Variants in ZNF618 observed in about 807,000 individuals in gnomAD.
ZNF618 encodes zinc finger protein 618, also known as neural precursor cell expressed, developmentally down-regulated 10.
ZNF618 carries 34 observed loss-of-function variants against 103.0 expected under a neutral mutation model. The ratio of observed to expected loss-of-function variants is 0.33; its 90% CI spans 0.25 to 0.44. The LOEUF is 0.44. ZNF618 is among the 20% of genes least tolerant of loss of function. ZNF618 has a pLI of 1.00. For synonymous variants in ZNF618, 551 were observed against 542.2 expected (o/e 1.02, Z -0.23); for missense variants, 1,059 against 1,295.4 (o/e 0.82, Z 2.80).
In ZNF618 at chr9:114,049,220, T is replaced by C; in HGVS notation, c.1918T>C (p.Leu640=). ...GTGCCTTCGCTGCTCAGCCTGTGCC[T>C]TGAACTCGGTGGTGCAGAGCGTGCT... ...GMCLRCSACA[L]NSVVQSVLSK... The change falls in exon 15 of 15, where the codon TTG becomes CTG. Residue 640 remains leucine, a synonymous_variant. Transcript: ENST00000374126. 1 of 1,613,470 alleles carries C rather than the reference T, an allele frequency of 6.2e-7. No homozygotes were observed. Among genetic ancestry groups the C allele is most frequent in the South Asian group, 1.1e-5 (1 of 91,076 alleles).
chr9:114,029,726 C>G (rs887015547), intron 11 of ZNF618, among the ~76,000 whole-genome samples: 19 of 152,234 alleles, frequency 1.2e-4, no homozygotes, highest in African/African-American at 4.6e-4. Flanking sequence ...TGCCCTCCCC[C>G]TCTGTAGCAC....
intron 1 of ZNF618, among the ~76,000 whole-genome samples, chr9:113,920,652 T>C (rs561716585): frequency 1.3e-5 from 2 of 152,328 alleles, no homozygotes; most frequent in South Asian, 2.1e-4. Flanking sequence ...TCTGCCTGCC[T>C]TGGCCTCCCA....
At chr9:114,045,160 C>T (rs1226399793) in intron 13 of ZNF618, among the ~76,000 whole-genome samples, 1 of 151,898 alleles carries the variant, frequency 6.6e-6, no homozygotes, top group Non-Finnish European at 1.5e-5. Context: ...TGTCGGTTGT[C>T]TTTTTACTTT....
Position 113,988,500 on chromosome 9 carries a change from C to T in ZNF618, c.257C>T (p.Ala86Val), listed in dbSNP as rs200878518. 530 of 1,613,062 alleles carry T rather than the reference C, an allele frequency of 3.3e-4. No individual in the cohort carries two copies. Among genetic ancestry groups the T allele is most frequent in the Non-Finnish European group, 3.5e-4 (408 of 1,179,842 alleles). Residue 86 changes from alanine to valine, a missense_variant, in exon 3 of 15, where the codon GCG (alanine) becomes GTG (valine). Ala to Val is a moderately conservative substitution (Grantham distance 64). Around this residue, in one of 6 missense-constraint regions of ZNF618, gnomAD observed 194 missense variants for 209.0 expected, o/e 0.93. Coordinates refer to ENST00000374126, the MANE Select transcript of ZNF618 (RefSeq NM_001318042.2). ...GGCGAGGCCAAGGAGGAGAAGAAGG[C>T]GGTCAGCAAGGATGGGACCAGCGAC... ...WQGEAKEEKK[A>V]VSKDGTSDVP...
chr9:113,896,647 TC>T (rs1217723585), intron 1 of ZNF618, among the ~76,000 whole-genome samples: 2 of 152,014 alleles, frequency 1.3e-5, no homozygotes, highest in African/African-American at 4.8e-5. Flanking sequence ...TTTTTCAGAT[TC>T]CCCATAGGGC....
chr9:113,999,717 C>T (rs541744811), intron 4 of ZNF618, among the ~76,000 whole-genome samples: 4 of 152,362 alleles, frequency 2.6e-5, no homozygotes, highest in African/African-American at 4.8e-5. Context: ...CTCTGTGCCC[C>T]CAGGCCCTGC....
At chr9:113,888,755 T>C (rs936191743) in intron 1 of ZNF618, among the ~76,000 whole-genome samples, 16 of 152,312 alleles carry the variant, frequency 1.1e-4, no homozygotes, top group African/African-American at 3.8e-4. Flanking sequence ...ACCTCAGTTT[T>C]CCCTACTGTA....
chr9:113,876,799 C>A (rs1827989176), intron 1 of ZNF618, among the ~76,000 whole-genome samples: 1 of 148,114 alleles, frequency 6.8e-6, no homozygotes, highest in Admixed American at 6.7e-5. Context: ...TTCCCCTGAC[C>A]CTCTCTGCGC....
chr9:114,017,410 A>G (rs1462562969), intron 10 of ZNF618, among the ~76,000 whole-genome samples: 2 of 152,156 alleles, frequency 1.3e-5, no homozygotes, highest in South Asian at 2.1e-4. Context: ...CCCTTCCCAC[A>G]GTGACATCCT....
intron 2 of ZNF618, among the ~76,000 whole-genome samples, chr9:113,977,234 C>T (rs537033885): frequency 2.0e-5 from 3 of 152,044 alleles, no homozygotes; most frequent in Non-Finnish European, 2.9e-5. Context: ...CATCAGCTGG[C>T]GACGTGGGCA....
intron 1 of ZNF618, among the ~76,000 whole-genome samples, chr9:113,930,837 A>G (rs1054855467): frequency 3.3e-5 from 5 of 152,174 alleles, no homozygotes; most frequent in African/African-American, 9.7e-5. Flanking sequence ...CAGGACTGTG[A>G]TGATCCAACA....
intron 1 of ZNF618, among the ~76,000 whole-genome samples, chr9:113,877,241 A>G (rs1828038988): frequency 6.6e-6 from 1 of 152,164 alleles, no homozygotes; most frequent in African/African-American, 2.4e-5. Flanking sequence ...TCCTAAAAGC[A>G]AAGTCAGTTT....
intron 2 of ZNF618, among the ~76,000 whole-genome samples, chr9:113,971,421 C>T (rs1050856623): frequency 2.6e-5 from 4 of 152,260 alleles, no homozygotes; most frequent in African/African-American, 9.6e-5. Context: ...CCACTTTCCT[C>T]CCACTTTCAC....
chr9:114,002,590 C>A, intron 5 of ZNF618, 34 bp from the exon 6 acceptor site: 1 of 1,596,866 alleles, frequency 6.3e-7, no homozygotes. Context: ...GGCCCGGTAG[C>A]CCCACCCCCA....
chr9:113,998,828 G>T (rs1249614733), intron 4 of ZNF618, among the ~76,000 whole-genome samples: 4 of 152,224 alleles, frequency 2.6e-5, no homozygotes, highest in Non-Finnish European at 5.9e-5. Context: ...TTTTGCTGGG[G>T]TGCATTCAGG....
At chr9:113,922,516 CA>C (rs1832741322) in intron 1 of ZNF618, among the ~76,000 whole-genome samples, 2 of 149,446 alleles carry the variant, frequency 1.3e-5, no homozygotes, top group East Asian at 3.9e-4. Flanking sequence ...TGCCCAGTTC[CA>C]GCAACATTTG....
chr9:113,943,234 A>G (rs1232774173), intron 1 of ZNF618, among the ~76,000 whole-genome samples: 1 of 152,198 alleles, frequency 6.6e-6, no homozygotes, highest in Admixed American at 6.5e-5. Context: ...GGAATGGATC[A>G]TTGTGATAGC....
chr9:114,049,966 T>C lies in ZNF618; in HGVS notation c.2664T>C (p.Asp888=). The C allele has an allele frequency of 6.2e-7, 1 of 1,613,960 alleles. No individual in the cohort carries two copies. Among genetic ancestry groups the C allele is most frequent in the Non-Finnish European group, 8.5e-7 (1 of 1,179,898 alleles). The change falls in exon 15 of 15, where the codon GAT becomes GAC. Residue 888 remains aspartate (D), a synonymous_variant. Coordinates refer to ENST00000374126, the MANE Select transcript of ZNF618 (RefSeq NM_001318042.2). ...AGCCCCTCTTCCAGGCTACCCCTGA[T>C]CTCTTCCAGTACTGGTCGTGCGTTA... is the stretch of plus-strand genomic sequence containing the variant. The part of the protein sequence containing the change: ...LQEPLFQATP[D]LFQYWSCVTQ...
intron 13 of ZNF618, among the ~76,000 whole-genome samples, chr9:114,038,644 G>A (rs10118282): frequency 0.085 from 13,016 of 152,298 alleles, 645 homozygotes; most frequent in African/African-American, 0.12. Context: ...AGGAAAACCT[G>A]GCGTGCCTTG....
Sources: allele counts gnomAD v4.1 joint callset (sites outside exome capture counted in the v4.1 genomes callset), GRCh38; gene constraint gnomAD v4.1.1; regional missense constraint gnomAD v4.1.1; transcripts MANE v1.5; gene names NCBI Gene and HGNC (gene_info 2026-07-23, HGNC 2026-07-21).